Variants in PPP2R3A observed in about 807,000 individuals in gnomAD.
PPP2R3A encodes the protein serine/threonine-protein phosphatase 2A regulatory subunit B'' subunit alpha.
In PPP2R3A, 80 loss-of-function variants were observed where a neutral mutation model predicts 106.9. The ratio of observed to expected loss-of-function variants is 0.75; its 90% confidence interval spans 0.62 to 0.90. PPP2R3A has a LOEUF of 0.90. Among genes scored for constraint, PPP2R3A ranks in the 40% least tolerant of loss-of-function variants. The pLI is 0.00. For synonymous variants in PPP2R3A, 483 were observed against 468.3 expected (o/e 1.03, Z -0.41); for missense variants, 1,386 against 1,350.4 (o/e 1.03, Z -0.41).
At chr3:136,142,974 G>A (rs1429488197) in intron 13 of PPP2R3A, among the ~76,000 whole-genome samples, 3 of 152,132 alleles carry the variant, frequency 2.0e-5, no homozygotes, top group Admixed American at 1.3e-4. Context: ...TTGCATTAGC[G>A]GAAAGTTCCT....
chr3:136,027,842 GA>G (rs1302691950), intron 3 of PPP2R3A, among the ~76,000 whole-genome samples: 14 of 152,198 alleles, frequency 9.2e-5, no homozygotes, highest in African/African-American at 3.4e-4. Flanking sequence ...TCAAGAGGCA[GA>G]GGGGTTTAGA....
intron 4 of PPP2R3A, among the ~76,000 whole-genome samples, chr3:136,046,137 A>G (rs1243272744): frequency 1.3e-5 from 2 of 151,928 alleles, no homozygotes; most frequent in East Asian, 3.9e-4. Flanking sequence ...TGTTCACGCC[A>G]TTGTACTCCA....
rs1439040548 is a variant in PPP2R3A at position 136,147,326 on chromosome 3, T to A, written c.*2160T>A. ...CTGCAGTGAGCTATGATTACGACACTGCACTCCAGCCTAGGCGACAGAGCA... is the reference window on the plus strand; with the variant it reads ...CTGCAGTGAGCTATGATTACGACACAGCACTCCAGCCTAGGCGACAGAGCA... On this transcript the variant is annotated 3_prime_UTR_variant, in exon 14 of 14. Coordinates refer to ENST00000264977, the MANE Select transcript of PPP2R3A (RefSeq NM_002718.5). The A allele has an allele frequency of 6.6e-6, 1 of 152,642 alleles. No individual in the cohort carries two copies. Among genetic ancestry groups the A allele is most frequent in the Admixed American group, 6.5e-5 (1 of 15,276 alleles). 9.5% of individuals were successfully genotyped at this position (152,642 alleles called of 1,614,324 possible).
intron 1 of PPP2R3A, among the ~76,000 whole-genome samples, chr3:135,986,315 G>T (rs1016620288): frequency 2.6e-5 from 4 of 152,070 alleles, no homozygotes; most frequent in Non-Finnish European, 4.4e-5. Flanking sequence ...TTCATCATCA[G>T]TCACCATCAT....
intron 10 of PPP2R3A, among the ~76,000 whole-genome samples, chr3:136,100,569 C>CT (rs1023532029): frequency 6.6e-6 from 1 of 151,750 alleles, no homozygotes; most frequent in African/African-American, 2.4e-5. Context: ...ATCCCAGCTA[C>CT]TTAGGAGGCT....
chr3:136,086,414 A>T (rs901868943), intron 8 of PPP2R3A, among the ~76,000 whole-genome samples: 2 of 151,218 alleles, frequency 1.3e-5, no homozygotes, highest in African/African-American at 4.9e-5. Flanking sequence ...CCCAGGAGGC[A>T]GAGGTTGCAG....
At chr3:136,032,616 G>A (rs1413626351) in intron 3 of PPP2R3A, among the ~76,000 whole-genome samples, 1 of 151,574 alleles carries the variant, frequency 6.6e-6, no homozygotes, top group Non-Finnish European at 1.5e-5. Flanking sequence ...CAGACTGCAA[G>A]CTCTGCCTCC....
chr3:136,091,870 T>C (rs972033482), intron 10 of PPP2R3A, among the ~76,000 whole-genome samples: 1 of 152,216 alleles, frequency 6.6e-6, no homozygotes, highest in Admixed American at 6.5e-5. Flanking sequence ...GTATCTCTTA[T>C]CTGAAATTCT....
chr3:136,088,471 C>T (rs569063969), intron 9 of PPP2R3A, among the ~76,000 whole-genome samples: 2 of 152,288 alleles, frequency 1.3e-5, no homozygotes, highest in South Asian at 4.1e-4. Context: ...TATATATGTA[C>T]CACATTTTCT....
intron 2 of PPP2R3A, among the ~76,000 whole-genome samples, chr3:136,008,679 T>G (rs887849794): frequency 1.3e-5 from 2 of 152,194 alleles, no homozygotes; most frequent in Admixed American, 1.3e-4. Context: ...ACACAAAGTT[T>G]GGGGTACATA....
chr3:136,092,540 A>G (rs1559915691), intron 10 of PPP2R3A, among the ~76,000 whole-genome samples: 1 of 152,210 alleles, frequency 6.6e-6, no homozygotes, highest in Non-Finnish European at 1.5e-5. Flanking sequence ...ATGGAAATAC[A>G]AAGGGACCAC....
intron 2 of PPP2R3A, among the ~76,000 whole-genome samples, chr3:136,013,027 A>G (rs542301881): frequency 1.1e-3 from 171 of 152,286 alleles, no homozygotes; most frequent in African/African-American, 3.8e-3. Flanking sequence ...GCTCTAGCTT[A>G]TAAGTGAGAA....
At chr3:136,072,830 T>C (rs1576481011) in intron 6 of PPP2R3A, among the ~76,000 whole-genome samples, 1 of 152,250 alleles carries the variant, frequency 6.6e-6, no homozygotes, top group East Asian at 1.9e-4. Flanking sequence ...AAGTTTTCTT[T>C]ATGGTTCTAG....
intron 4 of PPP2R3A, among the ~76,000 whole-genome samples, chr3:136,045,159 T>C (rs1196312092): frequency 1.3e-5 from 2 of 152,198 alleles, no homozygotes; most frequent in Non-Finnish European, 2.9e-5. Context: ...GGCTCCTGTC[T>C]GGCTTCTCCC....
At chr3:136,056,398 T>C (rs564965573) in intron 5 of PPP2R3A, among the ~76,000 whole-genome samples, 1 of 152,132 alleles carries the variant, frequency 6.6e-6, no homozygotes, top group South Asian at 2.1e-4. Flanking sequence ...TGTAAGGTGT[T>C]AATAATTGAG....
At chr3:136,050,241 T>G (rs1280629393) in intron 5 of PPP2R3A, among the ~76,000 whole-genome samples, 1 of 152,218 alleles carries the variant, frequency 6.6e-6, no homozygotes, top group Non-Finnish European at 1.5e-5. Flanking sequence ...TGTATGAAAT[T>G]TTAAACTCTG....
chr3:135,980,385 G>A (rs1423880886), intron 1 of PPP2R3A, among the ~76,000 whole-genome samples: 1 of 150,982 alleles, frequency 6.6e-6, no homozygotes, highest in Non-Finnish European at 1.5e-5. Flanking sequence ...AGACTTGTTT[G>A]AAAAGGAGTT....
chr3:136,067,998 G>A (rs1936312881), intron 5 of PPP2R3A, among the ~76,000 whole-genome samples: 1 of 152,206 alleles, frequency 6.6e-6, no homozygotes, highest in Admixed American at 6.5e-5. Flanking sequence ...GCGAAGGCAG[G>A]CAGATCGCTT....
intron 13 of PPP2R3A, among the ~76,000 whole-genome samples, chr3:136,135,520 C>G (rs948065812): frequency 2.0e-5 from 3 of 152,042 alleles, no homozygotes; most frequent in East Asian, 1.9e-4. Flanking sequence ...TTGCCAGACT[C>G]AGGTATCAGA....
Sources: allele counts gnomAD v4.1 joint callset (sites outside exome capture counted in the v4.1 genomes callset), GRCh38; gene constraint gnomAD v4.1.1; transcripts MANE v1.5; gene names NCBI Gene and HGNC (gene_info 2026-07-23, HGNC 2026-07-21).